AUTS2: variants seen among roughly 807,000 people sequenced by gnomAD.
The protein encoded by AUTS2 is autism susceptibility gene 2 protein.
Under a neutral mutation model 112.4 loss-of-function variants are expected in AUTS2, and 17 were observed. The ratio of observed to expected loss-of-function variants is 0.15; its 90% CI spans 0.10 to 0.23. AUTS2 has a LOEUF of 0.23. Among genes scored for constraint, AUTS2 ranks in the 10% least tolerant of loss-of-function variants. The pLI, the probability that AUTS2 is intolerant of heterozygous loss-of-function variation, is 1.00. For missense variants in AUTS2, 1,510 were observed against 1,701.6 expected (o/e 0.89, Z 1.98); for synonymous variants, 751 against 702.7 (o/e 1.07, Z -1.09).
intron 5 of AUTS2, among the ~76,000 whole-genome samples, chr7:70,499,502 T>C (rs188345366): frequency 6.0e-4 from 92 of 152,262 alleles, no homozygotes; most frequent in African/African-American, 2.0e-3. Context: ...TGGGTCAGAA[T>C]GTGAAGGGTC....
chr7:70,089,652 TC>T (rs1370397064), intron 2 of AUTS2, among the ~76,000 whole-genome samples: 5 of 152,296 alleles, frequency 3.3e-5, no homozygotes, highest in Admixed American at 1.3e-4. Context: ...TCTTATTTTT[TC>T]CTATGTTCCT....
intron 2 of AUTS2, among the ~76,000 whole-genome samples, chr7:70,024,931 A>T (rs1172904670): frequency 6.6e-6 from 1 of 152,202 alleles, no homozygotes; most frequent in African/African-American, 2.4e-5. Flanking sequence ...AAACATCTAA[A>T]TTCATGTTTG....
At chr7:70,328,303 C>G (rs567385116) in intron 4 of AUTS2, among the ~76,000 whole-genome samples, 1 of 152,082 alleles carries the variant, frequency 6.6e-6, no homozygotes, top group Non-Finnish European at 1.5e-5. Context: ...CTCACTGTAG[C>G]CTTGAACTCC....
chr7:69,940,367 G>A (rs1227572665), intron 2 of AUTS2, among the ~76,000 whole-genome samples: 1 of 152,182 alleles, frequency 6.6e-6, no homozygotes, highest in Non-Finnish European at 1.5e-5. Flanking sequence ...GATGAAACAT[G>A]AAGGATGAGT....
At position 69,870,448 on chromosome 7, in the gene AUTS2, A is replaced by ATATATATATATATATATATAT. The variant is rs1554395050; in HGVS notation, c.310-28838_310-28837insTATATATATATATATATATAT. Among the ~76,000 whole-genome samples the ATATATATATATATATATATAT allele has an allele frequency of 7.7e-3, 611 of 78,956 alleles. 8 individuals carry two copies. Among genetic ancestry groups the ATATATATATATATATATATAT allele is most frequent in the African/African-American group, 0.012 (264 of 22,644 alleles). The allele number at this position is 78,956 out of a possible 152,430, so 51.8% of individuals were successfully genotyped here. ...TACATATCTGTGCGTATGTGTGTGTAATATATATATATATATATGTATTCA... is the reference window on the plus strand; with the variant it reads ...TACATATCTGTGCGTATGTGTGTGTATATATATATATATATATATATATATATATATATATATATGTATTCA... On this transcript the variant is annotated intron_variant, in intron 1 of 18. Coordinates refer to ENST00000342771, the MANE Select transcript of AUTS2 (RefSeq NM_015570.4).
At chr7:70,718,933 G>T (rs930664675) in intron 6 of AUTS2, among the ~76,000 whole-genome samples, 1 of 152,060 alleles carries the variant, frequency 6.6e-6, no homozygotes, top group East Asian at 1.9e-4. Context: ...CCTCACCCTG[G>T]ACTGTCCATG....
At chr7:69,704,281 A>G (rs1797954209) in intron 1 of AUTS2, among the ~76,000 whole-genome samples, 1 of 145,344 alleles carries the variant, frequency 6.9e-6, no homozygotes, top group Admixed American at 6.9e-5. Context: ...CTAAAATACA[A>G]TTTTTTTTTT....
chr7:70,166,001 T>C (rs1357425573), intron 4 of AUTS2, among the ~76,000 whole-genome samples: 1 of 152,188 alleles, frequency 6.6e-6, no homozygotes, highest in East Asian at 1.9e-4. Flanking sequence ...TAAAAGTGTG[T>C]GACAATTCCT....
At chr7:70,726,343 T>TA (rs34064102) in intron 6 of AUTS2, among the ~76,000 whole-genome samples, 54 of 148,340 alleles carry the variant, frequency 3.6e-4, no homozygotes, top group South Asian at 1.1e-3. Flanking sequence ...TGGCATTTCT[T>TA]AAAAAAAAAA....
intron 4 of AUTS2, among the ~76,000 whole-genome samples, chr7:70,236,792 T>C (rs1812351773): frequency 6.6e-6 from 1 of 152,218 alleles, no homozygotes; most frequent in African/African-American, 2.4e-5. Context: ...CACATGGTGC[T>C]CCTTCCCCCT....
intron 2 of AUTS2, among the ~76,000 whole-genome samples, chr7:70,053,583 A>G (rs1250027677): frequency 2.2e-5 from 3 of 134,098 alleles, no homozygotes; most frequent in African/African-American, 6.0e-5. Flanking sequence ...TCTGTTTCCC[A>G]GGCTGGAGTG....
At chr7:69,638,562 T>C (rs1013328707) in intron 1 of AUTS2, among the ~76,000 whole-genome samples, 3 of 152,246 alleles carry the variant, frequency 2.0e-5, no homozygotes, top group Non-Finnish European at 4.4e-5. Flanking sequence ...CCTCTTTTTT[T>C]CCTCTGTTTG....
chr7:70,227,215 A>G (rs1215603189), intron 4 of AUTS2, among the ~76,000 whole-genome samples: 1 of 152,088 alleles, frequency 6.6e-6, no homozygotes, highest in East Asian at 1.9e-4. Flanking sequence ...TTTTATTGCA[A>G]CAACAATTAG....
At position 70,779,332 on chromosome 7, in the gene AUTS2, T is replaced by C. The variant is rs955387171; in HGVS notation, c.2004+2158T>C. ...TTCTTTTAGTCGTTCACCCAGTGTT[T>C]ATTGAAAGAGCCTACGCCTGCAGGT... On this transcript the variant is annotated intron_variant, in intron 14 of 18. Coordinates refer to ENST00000342771, the MANE Select transcript of AUTS2 (RefSeq NM_015570.4). Among the ~76,000 whole-genome samples, 60 of 152,332 alleles carry C rather than the reference T, an allele frequency of 3.9e-4. 2 individuals are homozygous for C. Among genetic ancestry groups the C allele is most frequent in the African/African-American group, 1.3e-3 (53 of 41,586 alleles).
At chr7:70,079,123 T>A (rs1046964267) in intron 2 of AUTS2, among the ~76,000 whole-genome samples, 3 of 152,176 alleles carry the variant, frequency 2.0e-5, no homozygotes, top group Non-Finnish European at 4.4e-5. Context: ...AGTGACCTTG[T>A]GGACTGCGTA....
chr7:70,132,164 TAAAAAAAAAAA>T (rs200482728), intron 3 of AUTS2, among the ~76,000 whole-genome samples: 12 of 102,566 alleles, frequency 1.2e-4, no homozygotes, highest in Admixed American at 7.4e-4. Flanking sequence ...TCTTTTCCCT[TAAAAAAAAAAA>T]AAAAAAAAAA....
chr7:70,179,767 C>T (rs1411918179), intron 4 of AUTS2, among the ~76,000 whole-genome samples: 1 of 152,118 alleles, frequency 6.6e-6, no homozygotes, highest in Non-Finnish European at 1.5e-5. Context: ...AGCTTGCCAC[C>T]AGGCTTGGTA....
chr7:70,511,453 G>A (rs1381086651), intron 5 of AUTS2, among the ~76,000 whole-genome samples: 2 of 150,106 alleles, frequency 1.3e-5, no homozygotes, highest in Admixed American at 1.3e-4. Flanking sequence ...CTAAATCTAG[G>A]TAATCACACA....
chr7:69,899,438 T>G lies in AUTS2; in HGVS notation c.462T>G (p.Asn154Lys), dbSNP rs1064796898. The change falls in exon 2 of 19, where the codon AAT becomes AAG. Residue 154 changes from asparagine (N) to lysine (K), a missense_variant. Physicochemically the swap from Asn to Lys is moderately conservative, Grantham distance 94. Transcript: ENST00000342771. ...ACCACTACAGCTCAGATCGAGAAAA[T>G]GACCGCAATCTCTGCCAGCACCTTG... is the stretch of plus-strand genomic sequence containing the variant. ...HPHHYSSDRE[N>K]DRNLCQHLGK... 1 of 1,613,888 alleles carries G rather than the reference T, an allele frequency of 6.2e-7. No homozygotes were observed. The highest frequency in any genetic ancestry group is 8.5e-7 in the Non-Finnish European group (1 of 1,179,860).
Sources: allele counts gnomAD v4.1 joint callset (sites outside exome capture counted in the v4.1 genomes callset), GRCh38; gene constraint gnomAD v4.1.1; transcripts MANE v1.5; gene names NCBI Gene and HGNC (gene_info 2026-07-23, HGNC 2026-07-21).